Variants in RBFOX1 observed in about 807,000 individuals in gnomAD.
The protein encoded by RBFOX1 is RNA binding fox-1 homolog 1, also known as RNA binding protein fox-1 homolog 1.
A neutral mutation model predicts 57.7 loss-of-function variants in RBFOX1; 8 were observed. The ratio of observed to expected loss-of-function variants is 0.14; its 90% CI spans 0.08 to 0.25. The LOEUF is 0.25. Among genes scored for constraint, RBFOX1 ranks in the 10% least tolerant of loss-of-function variants. RBFOX1 has a pLI of 1.00. For synonymous variants in RBFOX1, 326 were observed against 222.4 expected, an observed-to-expected ratio of 1.47 and a Z score of -4.15; for missense variants, 611 against 548.5, an observed-to-expected ratio of 1.11 and a Z score of -1.14.
chr16:5,434,605 C>T (rs1483931626), intron 1 of RBFOX1, among the ~76,000 whole-genome samples: 4 of 152,104 alleles, frequency 2.6e-5, no homozygotes, highest in Admixed American at 6.5e-5. Context: ...AGGCAAGAGC[C>T]ACCATGCCCA....
intron 5 of RBFOX1, among the ~76,000 whole-genome samples, chr16:7,534,253 A>AT (rs111895929): frequency 0.045 from 6,593 of 145,578 alleles, 201 homozygotes; most frequent in East Asian, 0.12. Context: ...CACCCAGTTA[A>AT]TTTTTTTTTT....
intron 2 of RBFOX1, among the ~76,000 whole-genome samples, chr16:6,530,827 A>G (rs897731997): frequency 4.0e-5 from 6 of 151,668 alleles, no homozygotes; most frequent in Admixed American, 2.6e-4. Context: ...CCATGATTCA[A>G]TTACCTTCCA....
intron 3 of RBFOX1, among the ~76,000 whole-genome samples, chr16:6,764,206 T>G (rs1394652684): frequency 6.6e-6 from 1 of 152,164 alleles, no homozygotes; most frequent in Non-Finnish European, 1.5e-5. Context: ...GCATCTGAAC[T>G]TCATCTCAGT....
chr16:7,401,269 A>G (rs1043514279), intron 4 of RBFOX1, among the ~76,000 whole-genome samples: 4 of 152,274 alleles, frequency 2.6e-5, no homozygotes, highest in Admixed American at 6.5e-5. Context: ...ATGCAAAAAT[A>G]TATAGAGAAA....
chr16:7,036,049 C>G (rs1597631469), intron 3 of RBFOX1, among the ~76,000 whole-genome samples: 1 of 152,276 alleles, frequency 6.6e-6, no homozygotes, highest in African/African-American at 2.4e-5. Context: ...TCATAGAAAT[C>G]AGCAATAGAA....
chr16:5,567,183 G>A (rs1213491232), intron 2 of RBFOX1, among the ~76,000 whole-genome samples: 1 of 152,140 alleles, frequency 6.6e-6, no homozygotes, highest in Non-Finnish European at 1.5e-5. Context: ...AGAGAAAGAT[G>A]CACCATTTAG....
chr16:6,657,097 A>ACTCTC (rs2098663235), intron 3 of RBFOX1, among the ~76,000 whole-genome samples: 1 of 38,868 alleles, frequency 2.6e-5, no homozygotes, highest in South Asian at 1.2e-3. Flanking sequence ...CCTCCCCTTT[A>ACTCTC]CTCTCCTCTC....
At chr16:5,860,197 C>G (rs1177351930) in intron 3 of RBFOX1, among the ~76,000 whole-genome samples, 1 of 152,146 alleles carries the variant, frequency 6.6e-6, no homozygotes, top group East Asian at 1.9e-4. Flanking sequence ...ACTCTCCTGC[C>G]TCAGCCTCCT....
intron 4 of RBFOX1, among the ~76,000 whole-genome samples, chr16:7,065,679 C>G (rs1424089411): frequency 1.3e-5 from 2 of 152,166 alleles, no homozygotes; most frequent in East Asian, 1.9e-4. Context: ...AATTTACGCT[C>G]TCAGCAGTTT....
At chr16:7,593,303 G>A (rs1294734449) in intron 7 of RBFOX1, among the ~76,000 whole-genome samples, 1 of 152,170 alleles carries the variant, frequency 6.6e-6, no homozygotes, top group East Asian at 1.9e-4. Context: ...CTGATATGCG[G>A]CTAAGTTTGA....
rs762735864 is a variant in RBFOX1 at position 7,579,817 on chromosome 16, C to A, written c.311C>A (p.Thr104Lys). 9 of 1,614,118 alleles carry A rather than the reference C, an allele frequency of 5.6e-6. No homozygotes were observed. Among genetic ancestry groups the A allele is most frequent in the Non-Finnish European group, 7.6e-6 (9 of 1,179,996 alleles). Residue 104 changes from threonine to lysine, a missense_variant, in exon 6 of 16, where the codon ACA (threonine) becomes AAA (lysine). By Grantham distance (78) the Thr-to-Lys change is moderately conservative (BLOSUM62 -1). Around this residue, in one of 3 missense-constraint regions of RBFOX1, gnomAD observed 245 missense variants for 159.1 expected, o/e 1.54. Transcript: ENST00000550418. ...DAAPTDGQPQTQPSENTENKS... is the reference protein window; with the variant it reads ...DAAPTDGQPQKQPSENTENKS... ...GCACCGACGGATGGCCAGCCCCAGA[C>A]ACAACCTTCTGAAAACACGGAAAAC...
intron 2 of RBFOX1, among the ~76,000 whole-genome samples, chr16:6,545,207 C>G (rs1158143164): frequency 6.6e-6 from 1 of 152,202 alleles, no homozygotes; most frequent in East Asian, 1.9e-4. Context: ...ACTGGTCTCC[C>G]TCTTTTCCTT....
chr16:5,963,497 G>C lies in RBFOX1; in HGVS notation c.351+96162G>C, dbSNP rs543436209. Among the ~76,000 whole-genome samples, 36 of 152,280 alleles carry C rather than the reference G, an allele frequency of 2.4e-4. No homozygotes were observed. In the South Asian group the frequency reaches 7.3e-3, roughly 31 times the overall value. On this transcript the variant is annotated intron_variant, in intron 4 of 19. Transcript: ENST00000641259. ...GAAGCTGGAGGTATCACACTTCCTG[G>C]TTTCAAATTATATTACAAAGTTATA...
At chr16:6,860,736 C>G (rs774615836) in intron 3 of RBFOX1, among the ~76,000 whole-genome samples, 4 of 152,016 alleles carry the variant, frequency 2.6e-5, no homozygotes, top group African/African-American at 9.7e-5. Flanking sequence ...CTCTGTGTGC[C>G]AGTGTGGATA....
At chr16:5,525,746 C>G (rs2044220339) in intron 2 of RBFOX1, among the ~76,000 whole-genome samples, 1 of 152,066 alleles carries the variant, frequency 6.6e-6, no homozygotes, top group Non-Finnish European at 1.5e-5. Context: ...GATCCACCCT[C>G]CTTGGCCTCC....
rs555810237 is a variant in RBFOX1 at position 7,109,116 on chromosome 16, G to C, written c.27+57018G>C. Reference sequence around the variant, plus strand: ...AGGATGGAAAAAGAGCCACCTCTTTGAATTACTTTAAATATTTCCAAGGTG... The same window carrying C: ...AGGATGGAAAAAGAGCCACCTCTTTCAATTACTTTAAATATTTCCAAGGTG... On this transcript the variant is annotated intron_variant, in intron 4 of 15. Transcript: ENST00000550418. Among the ~76,000 whole-genome samples, 17 of 152,222 alleles carry C rather than the reference G, an allele frequency of 1.1e-4. No homozygotes were observed. The East Asian group carries it at 3.1e-3, about 28-fold the overall frequency.
intron 4 of RBFOX1, among the ~76,000 whole-genome samples, chr16:7,127,366 G>C (rs778561179): frequency 3.9e-5 from 6 of 152,126 alleles, no homozygotes; most frequent in Non-Finnish European, 5.9e-5. Flanking sequence ...TAAGCATTTT[G>C]TAAATAATAA....
intron 1 of RBFOX1, among the ~76,000 whole-genome samples, chr16:6,077,500 C>T: frequency 6.6e-6 from 1 of 152,012 alleles, no homozygotes; most frequent in East Asian, 1.9e-4. Context: ...CACCACCATC[C>T]CTCTTGGAAT....
chr16:7,657,464 C>A (rs776997491), intron 12 of RBFOX1, among the ~76,000 whole-genome samples: 5 of 152,160 alleles, frequency 3.3e-5, no homozygotes, highest in Non-Finnish European at 7.4e-5. Context: ...GCCACCACAC[C>A]TGGCTAATTT....
Sources: allele counts gnomAD v4.1 joint callset (sites outside exome capture counted in the v4.1 genomes callset), GRCh38; gene constraint gnomAD v4.1.1; regional missense constraint gnomAD v4.1.1; transcripts MANE v1.5; gene names NCBI Gene and HGNC (gene_info 2026-07-23, HGNC 2026-07-21).